Variants in PNPLA7 observed in about 807,000 individuals in gnomAD.
PNPLA7 encodes the protein patatin-like phospholipase domain-containing protein 7.
PNPLA7 carries 153 observed loss-of-function variants against 161.7 expected under a neutral mutation model. The ratio of observed to expected loss-of-function variants is 0.95; its 90% CI spans 0.83 to 1.08. The LOEUF is 1.08. Ranked by LOEUF, PNPLA7 falls within the 50% of genes least tolerant of loss-of-function variation. The pLI, the probability that PNPLA7 is intolerant of heterozygous loss-of-function variation, is 0.00. For synonymous variants in PNPLA7, 809 were observed against 782.1 expected, an observed-to-expected ratio of 1.03 and a Z score of -0.57; for missense variants, 1,739 against 1,856.6, an observed-to-expected ratio of 0.94 and a Z score of 1.16.
chr9:137,463,350 G>C (rs1489449552), intron 29 of PNPLA7, 65 bp downstream of exon 29: 1 of 1,391,774 alleles, frequency 7.2e-7, no homozygotes, highest in Admixed American at 2.0e-5. Flanking sequence ...CTGTGGCAGG[G>C]GCCGTGGGGC....
intron 26 of PNPLA7, among the ~76,000 whole-genome samples, chr9:137,466,120 C>T (rs1831449889): frequency 6.6e-6 from 1 of 152,194 alleles, no homozygotes; most frequent in Non-Finnish European, 1.5e-5. Flanking sequence ...CAGGGACAGC[C>T]CCACGGCCCC....
At chr9:137,501,578 C>T (rs910650466) in intron 15 of PNPLA7, 72 bp downstream of exon 15, 5 of 1,454,052 alleles carry the variant, frequency 3.4e-6, no homozygotes, top group Non-Finnish European at 4.7e-6. Flanking sequence ...CCAGGCCCTC[C>T]TCTGGTGCTC....
Position 137,495,073 on chromosome 9 carries a change from G to T in PNPLA7, c.2087C>A (p.Pro696Gln). The stretch of plus-strand genomic sequence containing the variant: ...CTTGATGGACGTGAGGGCTCCTGCC[G>T]GCAGCTTGGCCAATTCTGAGTCCCG... ...AVRDSELAKL[P>Q]AGALTSIKRR... The change falls in exon 19 of 35, where the codon CCG (proline) becomes CAG (glutamine). Residue 696 changes from proline to glutamine, a missense_variant. Pro to Gln is a moderately conservative substitution (Grantham distance 76, BLOSUM62 -1). Coordinates refer to ENST00000406427, the MANE Select transcript of PNPLA7 (RefSeq NM_001098537.3). The T allele has an allele frequency of 1.2e-6, 2 of 1,610,296 alleles. No individual in the cohort carries two copies.
chr9:137,514,182 C>T (rs1177944235), intron 12 of PNPLA7, among the ~76,000 whole-genome samples: 3 of 136,896 alleles, frequency 2.2e-5, no homozygotes, highest in Non-Finnish European at 3.1e-5. Flanking sequence ...TTGAGGTGCC[C>T]GGGCCCTGTG....
At chr9:137,491,693 C>T (rs1206725973) in intron 20 of PNPLA7, 1 of 985,348 alleles carries the variant, frequency 1.0e-6, no homozygotes. Flanking sequence ...GGGGCTCACA[C>T]TTCGCTGCCT....
chr9:137,480,494 AG>A lies in PNPLA7; in HGVS notation c.2412-15del, dbSNP rs767826134. ...TACTCGTGAACACTGCAGCACGCAG[AG>A]GGAGTACCTCACTACTCCGCAGGGG... On this transcript the variant is annotated splice_polypyrimidine_tract_variant and intron_variant, in intron 22 of 34. Transcript: ENST00000406427. 21 of 1,596,586 alleles carry A rather than the reference AG, an allele frequency of 1.3e-5. No individual in the cohort carries two copies. The Admixed American group carries it at 3.6e-4, about 28-fold the overall frequency.
chr9:137,502,789 G>A (rs1833556864), intron 14 of PNPLA7, among the ~76,000 whole-genome samples: 1 of 149,482 alleles, frequency 6.7e-6, no homozygotes, highest in Non-Finnish European at 1.5e-5. Context: ...CGCTGGACAG[G>A]GGGGCACTGA....
chr9:137,492,396 C>T (rs1832806731), intron 20 of PNPLA7: 3 of 866,420 alleles, frequency 3.5e-6, no homozygotes, highest in Non-Finnish European at 4.2e-6. Context: ...TCCTCCAGTG[C>T]TGCCCACATT....
In PNPLA7 at chr9:137,490,878, A is replaced by G. The variant is rs1484153348; in HGVS notation, c.2197+2135T>C. Among the ~76,000 whole-genome samples, 1 of 152,212 alleles carries G rather than the reference A, an allele frequency of 6.6e-6. No individual in the cohort carries two copies. The highest frequency in any genetic ancestry group is 2.4e-5 in the African/African-American group (1 of 41,430). On this transcript the variant is annotated intron_variant, in intron 20 of 34. Coordinates refer to ENST00000406427, the MANE Select transcript of PNPLA7 (RefSeq NM_001098537.3). The surrounding 1 kb of genome is among the most constrained non-coding windows in gnomAD (Gnocchi z 4.1). ...CAAAATTACAGAGGTAATAGTTAAG[A>G]CAACCACATCATAAAGGGGGAAGGA...
intron 8 of PNPLA7, among the ~76,000 whole-genome samples, chr9:137,529,004 T>G (rs1185891034): frequency 6.6e-6 from 1 of 151,956 alleles, no homozygotes; most frequent in African/African-American, 2.4e-5. Context: ...CCGGCCTTTT[T>G]TATTTTTTGA....
At chr9:137,502,372 AAAAC>A (rs1833484008) in intron 14 of PNPLA7, among the ~76,000 whole-genome samples, 1 of 152,004 alleles carries the variant, frequency 6.6e-6, no homozygotes. Context: ...AAATGATCGA[AAAAC>A]AAACCATTAA....
At position 137,500,574 on chromosome 9, in the gene PNPLA7, G is replaced by A. The variant is rs1833337013; in HGVS notation, c.1757+117C>T. ...ACACAGGTGCCGGGGACAAAGAGGG[G>A]AGCCCGAGAAGCAGGGAAGAGGGTG... On this transcript the variant is annotated intron_variant, in intron 16 of 34. Transcript: ENST00000406427. The surrounding 1 kb of genome is among the most constrained non-coding windows in gnomAD (Gnocchi z 5.5). 4.1e-6 allele frequency: 4 copies of A among 971,774 alleles called. No homozygotes were observed. Among genetic ancestry groups the A allele is most frequent in the Non-Finnish European group, 6.1e-6 (4 of 657,368 alleles). 60.2% of individuals were successfully genotyped at this position (971,774 alleles called of 1,614,324 possible).
intron 12 of PNPLA7, among the ~76,000 whole-genome samples, chr9:137,507,082 C>T (rs1833964520): frequency 6.6e-6 from 1 of 152,250 alleles, no homozygotes; most frequent in Admixed American, 6.5e-5. Flanking sequence ...AGCGCTGGGC[C>T]TTGGAAAGGG....
intron 14 of PNPLA7, among the ~76,000 whole-genome samples, chr9:137,502,692 C>CACA (rs1459968879): frequency 5.0e-5 from 2 of 40,398 alleles, no homozygotes; most frequent in African/African-American, 3.2e-4. Context: ...ATGAGGGGGA[C>CACA]GGGGGGGACG....
At chr9:137,477,602 C>T (rs539516862) in intron 25 of PNPLA7, among the ~76,000 whole-genome samples, 2 of 152,288 alleles carry the variant, frequency 1.3e-5, no homozygotes, top group East Asian at 3.9e-4. Context: ...GTGCGCGCCA[C>T]CACGCCTAAT....
At position 137,500,306 on chromosome 9, in the gene PNPLA7, A is replaced by G. The variant is rs1447783943; in HGVS notation, c.1757+385T>C. ...CTCCCGACACGTCAGCCCAGGCTGCAGAGGTGGGACGGCTCACGGCCCCTG... is the reference window on the plus strand; with the variant it reads ...CTCCCGACACGTCAGCCCAGGCTGCGGAGGTGGGACGGCTCACGGCCCCTG... On this transcript the variant is annotated intron_variant, in intron 16 of 34. Transcript: ENST00000406427. The surrounding 1 kb of genome is among the most constrained non-coding windows in gnomAD (Gnocchi z 5.5). Among the ~76,000 whole-genome samples the G allele has an allele frequency of 6.6e-6, 1 of 152,066 alleles. No individual in the cohort carries two copies. Among genetic ancestry groups the G allele is most frequent in the Non-Finnish European group, 1.5e-5 (1 of 68,032 alleles).
intron 24 of PNPLA7, chr9:137,478,852 G>T: frequency 1.4e-6 from 1 of 710,108 alleles, no homozygotes; most frequent in East Asian, 3.2e-5. Flanking sequence ...TGCCCCCACT[G>T]CACCGGCTGC....
chr9:137,463,355 T>C, intron 29 of PNPLA7, 60 bp downstream of exon 29: 1 of 1,437,242 alleles, frequency 7.0e-7, no homozygotes. Context: ...GCAGGGGCCG[T>C]GGGGCGGCGT....
At chr9:137,489,364 G>T (rs1053367434) in intron 20 of PNPLA7, among the ~76,000 whole-genome samples, 21 of 152,276 alleles carry the variant, frequency 1.4e-4, no homozygotes, top group African/African-American at 4.8e-4. Context: ...CACACTAACA[G>T]TGAAAATTGA....
Sources: allele counts gnomAD v4.1 joint callset (sites outside exome capture counted in the v4.1 genomes callset), GRCh38; gene constraint gnomAD v4.1.1; non-coding constraint Gnocchi (gnomAD v3.1); transcripts MANE v1.5; gene names NCBI Gene and HGNC (gene_info 2026-07-23, HGNC 2026-07-21).